RASSF8: variants seen among roughly 807,000 people sequenced by gnomAD.
The protein encoded by RASSF8 is Ras association domain family member 8.
Under a neutral mutation model 48.5 loss-of-function variants are expected in RASSF8, and 22 were observed. The observed-to-expected ratio is 0.45, with a 90% confidence interval of 0.32 to 0.65. RASSF8 has a LOEUF of 0.65. Ranked by LOEUF, RASSF8 falls within the 30% of genes least tolerant of loss-of-function variation. The pLI is 0.03. For missense variants in RASSF8, 418 were observed against 489.2 expected (o/e 0.85, Z 1.37); for synonymous variants, 127 against 171.5 (o/e 0.74, Z 2.03).
intron 2 of RASSF8, among the ~76,000 whole-genome samples, chr12:26,006,028 T>C (rs1165293842): frequency 6.6e-6 from 1 of 152,150 alleles, no homozygotes; most frequent in African/African-American, 2.4e-5. Context: ...TTGGTTTCTG[T>C]TAAAAGACAA....
intron 1 of RASSF8, among the ~76,000 whole-genome samples, chr12:25,985,888 G>C (rs544839631): frequency 2.6e-5 from 4 of 152,302 alleles, no homozygotes; most frequent in African/African-American, 9.6e-5. Flanking sequence ...GGACACCTGG[G>C]ACATATGTTC....
chr12:25,982,911 G>A lies in RASSF8; in HGVS notation c.-202-12126G>A, dbSNP rs903708564. On this transcript the variant is annotated intron_variant, in intron 1 of 5. Transcript: ENST00000689635. ...TTTTCAGTTCTAATTTAGACCTATAGGTGGTCCAAAGAAAAGGCAAATTAT... is the reference window on the plus strand; with the variant it reads ...TTTTCAGTTCTAATTTAGACCTATAAGTGGTCCAAAGAAAAGGCAAATTAT... Among the ~76,000 whole-genome samples the A allele has an allele frequency of 2.6e-5, 4 of 152,218 alleles. No homozygotes were observed. The South Asian group carries it at 8.3e-4, about 31-fold the overall frequency.
intron 3 of RASSF8, among the ~76,000 whole-genome samples, chr12:26,063,290 C>G (rs1326925840): frequency 6.6e-6 from 1 of 152,076 alleles, no homozygotes; most frequent in Non-Finnish European, 1.5e-5. Flanking sequence ...AAAGCATGTT[C>G]AAGCTTATGG....
chr12:25,968,363 GAC>G (rs1425045371), intron 1 of RASSF8, among the ~76,000 whole-genome samples: 2 of 151,972 alleles, frequency 1.3e-5, no homozygotes, highest in Admixed American at 6.5e-5. Flanking sequence ...ATTTTTTTGA[GAC>G]AGAGTCTCGC....
chr12:26,015,320 G>A (rs1266268814), intron 2 of RASSF8, among the ~76,000 whole-genome samples: 1 of 152,116 alleles, frequency 6.6e-6, no homozygotes, highest in Non-Finnish European at 1.5e-5. Flanking sequence ...TTGTCATGGA[G>A]ATCAGGGTTG....
intron 3 of RASSF8, among the ~76,000 whole-genome samples, chr12:26,056,185 TAAATA>T (rs945755471): frequency 5.9e-5 from 9 of 152,042 alleles, no homozygotes; most frequent in African/African-American, 1.9e-4. Context: ...TCGGTCTCAA[TAAATA>T]AAATAAAATA....
chr12:26,067,422 G>A lies in RASSF8; in HGVS notation c.994-147G>A, dbSNP rs1943899907. 7.1e-5 allele frequency: 61 copies of A among 863,114 alleles called. 1 individual carries two copies. The South Asian group carries it at 1.1e-3, about 16-fold the overall frequency. The allele number at this position is 863,114 out of a possible 1,614,324, so 53.5% of individuals were successfully genotyped here. Reference sequence around the variant, plus strand: ...GAAAGTGACCTCTTTAGCCCATTGTGTCAATATAAACCAGATTTGTTAAAT... The same window carrying A: ...GAAAGTGACCTCTTTAGCCCATTGTATCAATATAAACCAGATTTGTTAAAT... On this transcript the variant is annotated intron_variant, in intron 4 of 5. Transcript: ENST00000689635.
At position 26,069,436 on chromosome 12, in the gene RASSF8, T is replaced by A. The variant is rs990283123; in HGVS notation, c.*618T>A. 1.0e-5 allele frequency: 10 copies of A among 985,340 alleles called. No homozygotes were observed. The highest frequency in any genetic ancestry group is 6.1e-5 in the Admixed American group (1 of 16,274). The allele number at this position is 985,340 out of a possible 1,614,324, so 61.0% of individuals were successfully genotyped here. A position where few individuals can be genotyped will look rare whatever the true frequency, so the allele number is the denominator to read the frequency against. On this transcript the variant is annotated 3_prime_UTR_variant, in exon 6 of 6. Coordinates refer to ENST00000689635, the MANE Select transcript of RASSF8 (RefSeq NM_001394098.1). ...GTGAAATAATTCAGGGTTTTTTAAA[T>A]CTGGAATTTAGTCGTTCCTTTACAA...
chr12:26,042,514 T>G (rs1308631374), intron 2 of RASSF8, among the ~76,000 whole-genome samples: 1 of 151,540 alleles, frequency 6.6e-6, no homozygotes, highest in African/African-American at 2.4e-5. Flanking sequence ...CCTGATGAGA[T>G]TCAGTCTATT....
At chr12:26,059,032 C>A (rs1943679787) in intron 3 of RASSF8, among the ~76,000 whole-genome samples, 1 of 152,182 alleles carries the variant, frequency 6.6e-6, no homozygotes, top group African/African-American at 2.4e-5. Flanking sequence ...TGTAAAATAT[C>A]TCAGAAATGC....
intron 2 of RASSF8, among the ~76,000 whole-genome samples, chr12:26,008,268 T>C (rs1342108788): frequency 6.7e-6 from 1 of 149,334 alleles, no homozygotes; most frequent in African/African-American, 2.5e-5. Flanking sequence ...GAGACTCCGT[T>C]TAAAAAAAAA....
At chr12:25,965,713 A>T (rs979923144) in intron 1 of RASSF8, among the ~76,000 whole-genome samples, 28 of 152,120 alleles carry the variant, frequency 1.8e-4, no homozygotes, top group African/African-American at 5.8e-4. Flanking sequence ...GTTTCCTCTA[A>T]ACCACTGGTC....
At chr12:25,964,085 C>G (rs570928413) in intron 1 of RASSF8, among the ~76,000 whole-genome samples, 3 of 152,248 alleles carry the variant, frequency 2.0e-5, no homozygotes, top group Admixed American at 1.3e-4. Flanking sequence ...GCAGGACATT[C>G]GCATCACGAG....
At chr12:26,065,876 T>G (rs1023368591) in intron 4 of RASSF8, among the ~76,000 whole-genome samples, 4 of 152,200 alleles carry the variant, frequency 2.6e-5, no homozygotes, top group Non-Finnish European at 5.9e-5. Context: ...CAAAGATTTC[T>G]GTCTGATTTT....
chr12:26,073,776 C>T (rs145188453), downstream of RASSF8, among the ~76,000 whole-genome samples: 11,156 of 115,170 alleles, frequency 0.097, 560 homozygotes, highest in Middle Eastern at 0.17. Flanking sequence ...CACACACACA[C>T]ATATATATAT....
intron 3 of RASSF8, among the ~76,000 whole-genome samples, chr12:26,056,912 T>C (rs1480078059): frequency 1.3e-5 from 2 of 152,240 alleles, no homozygotes; most frequent in African/African-American, 4.8e-5. Context: ...TTAATTTATG[T>C]GAATTAAAAT....
intron 1 of RASSF8, among the ~76,000 whole-genome samples, chr12:25,994,146 G>A (rs1942077509): frequency 6.6e-6 from 1 of 152,076 alleles, no homozygotes; most frequent in South Asian, 2.1e-4. Flanking sequence ...TTTGGGGTCT[G>A]CCAGTTCTTT....
At chr12:26,063,647 A>G (rs531680611) in intron 3 of RASSF8, among the ~76,000 whole-genome samples, 3 of 151,368 alleles carry the variant, frequency 2.0e-5, no homozygotes, top group Admixed American at 6.6e-5. Context: ...AAGTCTGCCC[A>G]CCTTTGCCTC....
chr12:26,055,859 G>T (rs560365498), intron 3 of RASSF8, among the ~76,000 whole-genome samples: 1 of 152,010 alleles, frequency 6.6e-6, no homozygotes, highest in Non-Finnish European at 1.5e-5. Context: ...AAATAACATC[G>T]TTCTTCACTG....
Sources: allele counts gnomAD v4.1 joint callset (sites outside exome capture counted in the v4.1 genomes callset), GRCh38; gene constraint gnomAD v4.1.1; transcripts MANE v1.5; gene names NCBI Gene and HGNC (gene_info 2026-07-23, HGNC 2026-07-21).